The following NECTIN1 variants were observed in gnomAD, a reference collection of about 807,000 sequenced individuals.
NECTIN1 encodes the protein nectin cell adhesion molecule 1.
A neutral mutation model predicts 48.0 loss-of-function variants in NECTIN1; 23 were observed. That is an observed-to-expected ratio of 0.48 (90% confidence interval 0.34 to 0.68). The LOEUF (loss-of-function observed/expected upper bound fraction) is 0.68. Among genes scored for constraint, NECTIN1 ranks in the 30% least tolerant of loss-of-function variants. The probability of loss-of-function intolerance (pLI) is 0.01; values close to 1 mark genes in which losing one functional copy is unlikely to be tolerated. For missense variants in NECTIN1, 591 were observed against 709.9 expected (o/e 0.83, Z 1.90); for synonymous variants, 270 against 288.9 (o/e 0.93, Z 0.66).
chr11:119,674,523 C>A, intron 5 of NECTIN1: 1 of 1,612,024 alleles, frequency 6.2e-7, no homozygotes, highest in Non-Finnish European at 8.5e-7. Flanking sequence ...GTGGGGGGGG[C>A]CCTGTCCAGG....
chr11:119,663,997 G>GCTGGAGCCCAC lies in NECTIN1; in HGVS notation c.*739_*749dup. 1.0e-6 allele frequency: 1 copy of GCTGGAGCCCAC among 986,158 alleles called. No individual in the cohort carries two copies. The highest frequency in any genetic ancestry group is 1.2e-6 in the Non-Finnish European group (1 of 830,546). 61.1% of individuals were successfully genotyped at this position (986,158 alleles called of 1,614,324 possible). A position where few individuals can be genotyped will look rare whatever the true frequency, so the allele number is the denominator to read the frequency against. On this transcript the variant is annotated 3_prime_UTR_variant, in exon 6 of 6. Transcript: ENST00000264025. ...CAGCAGAGGCAGAGAGCAAGTGTGG[G>GCTGGAGCCCAC]CTGGAGCCCACCTGGAGCCCCTAAT...
intron 5 of NECTIN1, among the ~76,000 whole-genome samples, chr11:119,647,884 GA>G (rs1315785000): frequency 4.0e-5 from 6 of 151,860 alleles, no homozygotes; most frequent in Non-Finnish European, 7.4e-5. Context: ...CCAACATGGA[GA>G]AACCCCAACT....
downstream of NECTIN1, among the ~76,000 whole-genome samples, chr11:119,658,025 G>C (rs2135537157): frequency 6.6e-6 from 1 of 151,886 alleles, no homozygotes; most frequent in East Asian, 1.9e-4. Flanking sequence ...ATCCCCAGAT[G>C]ATTCTGGAGT....
intron 1 of NECTIN1, among the ~76,000 whole-genome samples, chr11:119,722,072 G>A (rs1356445065): frequency 6.6e-6 from 1 of 152,202 alleles, no homozygotes; most frequent in Non-Finnish European, 1.5e-5. Flanking sequence ...GTCCATTCCC[G>A]ATCTTTTCAT....
chr11:119,691,826 C>T (rs976880867), intron 1 of NECTIN1, among the ~76,000 whole-genome samples: 6 of 152,196 alleles, frequency 3.9e-5, no homozygotes, highest in Non-Finnish European at 7.3e-5. Flanking sequence ...TGGGAGCCCT[C>T]CTGCCTGGCC....
rs927389305 is a variant in NECTIN1 at position 119,672,519 on chromosome 11, C to T, written c.1003+2640G>A. Among the ~76,000 whole-genome samples the T allele has an allele frequency of 6.6e-6, 1 of 152,198 alleles. No homozygotes were observed. The highest frequency in any genetic ancestry group is 2.4e-5 in the African/African-American group (1 of 41,444). ...GTCCGGTCCATCTCCTCGGTGCCCC[C>T]ATCGCCACAGCCACAGCCTGGGCCT... On this transcript the variant is annotated intron_variant, in intron 5 of 5. Transcript: ENST00000264025. This position sits in a 1 kb window ranked among gnomAD's most constrained non-coding sequence, Gnocchi z 4.3.
At chr11:119,698,366 G>A (rs757934772) in intron 1 of NECTIN1, among the ~76,000 whole-genome samples, 2 of 152,150 alleles carry the variant, frequency 1.3e-5, no homozygotes, top group African/African-American at 4.8e-5. Context: ...CTTCTTTCAC[G>A]GTCTTCAGCA....
intron 5 of NECTIN1, chr11:119,640,184 G>A (rs1864304041): frequency 1.4e-6 from 1 of 697,912 alleles, no homozygotes; most frequent in African/African-American, 1.8e-5. Context: ...GCCGGTGTGG[G>A]ATGGAGGCTC....
At chr11:119,704,469 G>A (rs1053782590) in intron 1 of NECTIN1, among the ~76,000 whole-genome samples, 6 of 152,010 alleles carry the variant, frequency 3.9e-5, no homozygotes, top group Non-Finnish European at 8.8e-5. Flanking sequence ...CACCCGCCTC[G>A]GCCTCCCAAA....
Position 119,639,378 on chromosome 11 carries a change from G to C in NECTIN1, c.1151+487C>G, listed in dbSNP as rs372859444. 451 of 202,826 alleles carry C rather than the reference G, an allele frequency of 2.2e-3. 3 individuals are homozygous for C. Among genetic ancestry groups the C allele is most frequent in the African/African-American group, 0.01 (439 of 42,648 alleles). 12.6% of individuals were successfully genotyped at this position (202,826 alleles called of 1,614,324 possible). On this transcript the variant is annotated intron_variant, in intron 6 of 7. Coordinates refer to the NECTIN1 transcript ENST00000341398. ...AATGTGGACGTTTTGTTCATCATGG[G>C]TTTTTGCTTTCATTTTGATTTTTTT...
At chr11:119,654,576 CT>C (rs11351493) in intron 5 of NECTIN1, among the ~76,000 whole-genome samples, 95,735 of 145,982 alleles carry the variant, frequency 0.66, 31,890 homozygotes, top group Admixed American at 0.73. Context: ...TCAGGAACAC[CT>C]TTTTTTTTTT....
At chr11:119,693,773 C>A (rs11217408) in intron 1 of NECTIN1, among the ~76,000 whole-genome samples, 9,061 of 152,214 alleles carry the variant, frequency 0.06, 599 homozygotes, top group African/African-American at 0.16. Context: ...GATAGCACAC[C>A]AAATTAGCTT....
chr11:119,677,460 C>T lies in NECTIN1; in HGVS notation c.733+95G>A. 7.1e-7 allele frequency: 1 copy of T among 1,418,010 alleles called. No homozygotes were observed. Among genetic ancestry groups the T allele is most frequent in the Non-Finnish European group, 9.9e-7 (1 of 1,007,762 alleles). The allele number at this position is 1,418,010 out of a possible 1,614,324, so 87.8% of individuals were successfully genotyped here. A position where few individuals can be genotyped will look rare whatever the true frequency, so the allele number is the denominator to read the frequency against. ...GGAGACAGGAGGGGAGAAGAAAGCA[C>T]CCCCAGAAAGAGAAAGGGAGGAGAA... On this transcript the variant is annotated intron_variant, in intron 3 of 5. Transcript: ENST00000264025. The surrounding 1 kb of genome is among the most constrained non-coding windows in gnomAD (Gnocchi z 5.4).
chr11:119,665,248 C>T lies in NECTIN1; in HGVS notation c.1053G>A (p.Pro351=), dbSNP rs1200888139. 36 of 1,598,574 alleles carry T rather than the reference C, an allele frequency of 2.3e-5. No homozygotes were observed. Among genetic ancestry groups the T allele is most frequent in the Middle Eastern group, 1.7e-4 (1 of 6,046 alleles). ...CGCCCCCAATGATGGCCGTGGGCAC[C>T]GGCCCGGCGCGCCGCCCATGTTCGG... ...SPPEHGRRAG[P]VPTAIIGGVA... is the part of the protein sequence containing the mutation. The change falls in exon 6 of 6, where the codon CCG becomes CCA. Residue 351 remains proline, a synonymous_variant. Coordinates refer to ENST00000264025, the MANE Select transcript of NECTIN1 (RefSeq NM_002855.5). The surrounding 1 kb of genome is among the most constrained non-coding windows in gnomAD (Gnocchi z 5.1).
chr11:119,721,864 C>A (rs1243140575), intron 1 of NECTIN1, among the ~76,000 whole-genome samples: 2 of 152,248 alleles, frequency 1.3e-5, no homozygotes, highest in South Asian at 2.1e-4. Context: ...CTATTCTACA[C>A]CAACCTGGGC....
At chr11:119,655,030 C>T (rs558932949) in intron 5 of NECTIN1, among the ~76,000 whole-genome samples, 5 of 152,230 alleles carry the variant, frequency 3.3e-5, no homozygotes, top group East Asian at 1.9e-4. Context: ...CGGCCTCAGC[C>T]TCCTGAGTAG....
chr11:119,688,606 G>A (rs1025578741), intron 1 of NECTIN1, among the ~76,000 whole-genome samples: 2 of 152,166 alleles, frequency 1.3e-5, no homozygotes, highest in Non-Finnish European at 2.9e-5. Flanking sequence ...AAGACCACTG[G>A]CCTAGAGGAA....
intron 5 of NECTIN1, chr11:119,674,489 C>T (rs1003507794): frequency 6.2e-7 from 1 of 1,612,338 alleles, no homozygotes; most frequent in Non-Finnish European, 8.5e-7. Flanking sequence ...CAAGGTACAT[C>T]ATACTGTCCC....
chr11:119,716,374 C>A (rs1281603046), intron 1 of NECTIN1, among the ~76,000 whole-genome samples: 2 of 152,076 alleles, frequency 1.3e-5, no homozygotes, highest in Non-Finnish European at 2.9e-5. Context: ...TCCAGCGGTG[C>A]GAAGGCTTTC....
Sources: gnomAD v4.1 joint callset for allele counts (sites outside exome capture counted in the v4.1 genomes callset) on GRCh38, gnomAD v4.1.1 for gene constraint, Gnocchi (gnomAD v3.1) non-coding constraint, MANE v1.5 for transcripts, NCBI Gene and HGNC (gene_info 2026-07-23, HGNC 2026-07-21) for gene names.